EYS: variants seen among roughly 807,000 people sequenced by gnomAD.
EYS encodes EGF-like photoreceptor maintenance factor.
Under a neutral mutation model 282.1 loss-of-function variants are expected in EYS, and 250 were observed. The observed-to-expected ratio is 0.89, with a 90% confidence interval of 0.80 to 0.98. The LOEUF (loss-of-function observed/expected upper bound fraction) is 0.98, where lower values mean the gene tolerates loss of function less well. Among genes scored for constraint, EYS ranks in the 50% least tolerant of loss-of-function variants. The pLI, the probability that EYS is intolerant of heterozygous loss-of-function variation, is 0.00. For synonymous variants in EYS, 1,355 were observed against 1,282.9 expected (o/e 1.06, Z -1.20); for missense variants, 4,016 against 3,709.0 (o/e 1.08, Z -2.15).
chr6:63,747,351 G>A (rs1769235092), intron 41 of EYS, among the ~76,000 whole-genome samples: 1 of 152,172 alleles, frequency 6.6e-6, no homozygotes, highest in Admixed American at 6.6e-5. Flanking sequence ...TTGCTGAGGA[G>A]TGTTTTACTT....
chr6:65,094,588 A>T (rs1353542917), intron 12 of EYS, among the ~76,000 whole-genome samples: 5 of 151,374 alleles, frequency 3.3e-5, no homozygotes, highest in Non-Finnish European at 7.4e-5. Flanking sequence ...AATTAAAAAG[A>T]AAAGGTAAGT....
chr6:65,122,584 T>A (rs531992501), intron 12 of EYS, among the ~76,000 whole-genome samples: 20 of 152,266 alleles, frequency 1.3e-4, no homozygotes, highest in African/African-American at 4.6e-4. Flanking sequence ...CATTAATGTT[T>A]AACATAGGAA....
chr6:64,655,896 T>C (rs1462673935), intron 22 of EYS, among the ~76,000 whole-genome samples: 2 of 152,164 alleles, frequency 1.3e-5, no homozygotes, highest in East Asian at 1.9e-4. Context: ...GTTTCTTAAC[T>C]GTTTTATGAG....
chr6:65,458,820 T>C (rs983308172), intron 5 of EYS, among the ~76,000 whole-genome samples: 3 of 152,060 alleles, frequency 2.0e-5, no homozygotes, highest in African/African-American at 7.2e-5. Context: ...CTACTAAAAA[T>C]ACTGAATTTT....
At chr6:64,797,908 C>T (rs1301222164) in intron 22 of EYS, among the ~76,000 whole-genome samples, 2 of 151,806 alleles carry the variant, frequency 1.3e-5, no homozygotes, top group East Asian at 3.9e-4. Context: ...TCCTCAATAC[C>T]CATGAAACAC....
chr6:64,913,770 C>T (rs891842308), intron 15 of EYS, among the ~76,000 whole-genome samples: 29 of 152,062 alleles, frequency 1.9e-4, no homozygotes, highest in African/African-American at 6.8e-4. Flanking sequence ...TGGGTGGATG[C>T]TCATTAGTGG....
intron 14 of EYS, among the ~76,000 whole-genome samples, chr6:64,979,268 A>T (rs1031897144): frequency 6.6e-5 from 10 of 151,778 alleles, no homozygotes; most frequent in Non-Finnish European, 1.0e-4. Flanking sequence ...CAATTTTATG[A>T]AGTAACCAAT....
intron 14 of EYS, among the ~76,000 whole-genome samples, chr6:64,980,867 A>T (rs996386755): frequency 5.3e-5 from 8 of 150,266 alleles, no homozygotes; most frequent in African/African-American, 1.2e-4. Context: ...GAGTTAAGAT[A>T]AAAAAAAACC....
At chr6:64,868,962 A>C (rs943116689) in intron 19 of EYS, among the ~76,000 whole-genome samples, 1 of 151,514 alleles carries the variant, frequency 6.6e-6, no homozygotes, top group Non-Finnish European at 1.5e-5. Context: ...AAGACTTCCG[A>C]CTAAATATAC....
chr6:65,271,308 G>T (rs796559030), intron 12 of EYS, among the ~76,000 whole-genome samples: 13 of 151,322 alleles, frequency 8.6e-5, no homozygotes, highest in African/African-American at 3.1e-4. Flanking sequence ...GGGTATGAAG[G>T]CATGAGAACC....
chr6:64,361,568 T>C (rs1372700167), intron 29 of EYS, among the ~76,000 whole-genome samples: 1 of 151,842 alleles, frequency 6.6e-6, no homozygotes, highest in Admixed American at 6.6e-5. Flanking sequence ...TCTAGTTGTA[T>C]TGTTGCTGTA....
intron 12 of EYS, among the ~76,000 whole-genome samples, chr6:65,122,252 C>A (rs1775576991): frequency 6.6e-6 from 1 of 152,034 alleles, no homozygotes; most frequent in African/African-American, 2.4e-5. Context: ...CAAATGTAGT[C>A]CAGAATAACT....
At chr6:64,666,948 C>G (rs2149892915) in intron 22 of EYS, among the ~76,000 whole-genome samples, 1 of 151,794 alleles carries the variant, frequency 6.6e-6, no homozygotes, top group African/African-American at 2.4e-5. Context: ...GTTTTATTTT[C>G]TCCCCTGGAG....
chr6:64,590,813 G>C lies in EYS; in HGVS notation c.5054C>G (p.Ser1685Ter), dbSNP rs1293996279. The change falls in exon 26 of 43, where the codon TCA (serine) becomes TGA (stop). Residue 1685 changes from serine to a stop codon, truncating the protein, a stop_gained. Coordinates refer to ENST00000503581, the MANE Select transcript of EYS (RefSeq NM_001142800.2). LOFTEE classifies it high-confidence loss of function. ...TGACAGTTCATCAGTAGTCATTTTT[G>C]AAGTCAAATCAGAATTCATCAAGTC... Reference protein sequence around the residue: ...SSDLMNSDLTSKMTTDELSVS... With the variant: ...SSDLMNSDLT The C allele has an allele frequency of 1.9e-6, 3 of 1,549,630 alleles. No individual in the cohort carries two copies. The South Asian group carries it at 3.6e-5, about 18-fold the overall frequency.
intron 13 of EYS, among the ~76,000 whole-genome samples, chr6:65,039,293 A>G (rs995098091): frequency 4.6e-5 from 7 of 151,480 alleles, no homozygotes; most frequent in Non-Finnish European, 7.4e-5. Flanking sequence ...TGCTTTGGAT[A>G]TTTTGTTGAA....
chr6:64,706,076 A>G (rs926553043), intron 22 of EYS, among the ~76,000 whole-genome samples: 2 of 152,092 alleles, frequency 1.3e-5, no homozygotes, highest in African/African-American at 4.8e-5. Context: ...AACTATACTA[A>G]AAGGCCATAG....
intron 12 of EYS, among the ~76,000 whole-genome samples, chr6:65,099,707 G>C (rs1337343885): frequency 1.3e-5 from 2 of 150,640 alleles, no homozygotes; most frequent in African/African-American, 2.4e-5. Context: ...AAGTATGTGG[G>C]ATGGGCATGA....
intron 30 of EYS, among the ~76,000 whole-genome samples, chr6:64,254,396 C>G (rs1258410892): frequency 6.6e-6 from 1 of 152,106 alleles, no homozygotes; most frequent in Non-Finnish European, 1.5e-5. Flanking sequence ...CTTGCTCCTG[C>G]ATGAAATATG....
At chr6:65,606,029 G>A (rs1765776469) in intron 2 of EYS, among the ~76,000 whole-genome samples, 1 of 151,372 alleles carries the variant, frequency 6.6e-6, no homozygotes. Flanking sequence ...CAGATATAAT[G>A]AATAATTAAT....
Sources: allele counts gnomAD v4.1 joint callset (sites outside exome capture counted in the v4.1 genomes callset), GRCh38; gene constraint gnomAD v4.1.1; transcripts MANE v1.5; gene names NCBI Gene and HGNC (gene_info 2026-07-23, HGNC 2026-07-21).